The following IRAG1 variants were observed in gnomAD, a reference collection of about 807,000 sequenced individuals.
IRAG1 encodes IP3R-associated cGMP kinase substrate.
IRAG1 carries 62 observed loss-of-function variants against 106.2 expected under a neutral mutation model. That is an observed-to-expected ratio of 0.58 (90% CI 0.48 to 0.72). The LOEUF (loss-of-function observed/expected upper bound fraction) is 0.72, where lower values mean the gene tolerates loss of function less well. Among genes scored for constraint, IRAG1 ranks in the 30% least tolerant of loss-of-function variants. The pLI is 0.00. For synonymous variants in IRAG1, 462 were observed against 443.9 expected (o/e 1.04, Z -0.51); for missense variants, 1,064 against 1,140.7 (o/e 0.93, Z 0.97).
rs145646388 is a variant in IRAG1 at position 10,680,927 on chromosome 11, T to C, written c.67+12609A>G. On this transcript the variant is annotated intron_variant, in intron 1 of 20. Coordinates refer to ENST00000423302, the MANE Select transcript of IRAG1 (RefSeq NM_130385.4). ...CATAAAACTGTAAAACTCCAGATAA[T>C]TCATGAAAGATTACACAGATAGCAT... 1.7e-3 allele frequency among the ~76,000 whole-genome samples: 252 copies of C among 152,174 alleles called. 1 individual carries two copies. The highest frequency in any genetic ancestry group is 3.0e-3 in the Non-Finnish European group (204 of 67,998).
chr11:10,627,446 C>CT (rs1370446885), intron 8 of IRAG1, among the ~76,000 whole-genome samples: 1 of 152,162 alleles, frequency 6.6e-6, no homozygotes, highest in African/African-American at 2.4e-5. Flanking sequence ...GGAGGTCCCC[C>CT]TTGTCTCCAA....
intron 2 of IRAG1, among the ~76,000 whole-genome samples, chr11:10,637,103 C>T (rs1265640856): frequency 1.3e-5 from 2 of 152,214 alleles, no homozygotes; most frequent in Non-Finnish European, 2.9e-5. Context: ...AAGGGAAATA[C>T]AGAAATGTTG....
intron 9 of IRAG1, among the ~76,000 whole-genome samples, chr11:10,624,395 T>C (rs896795743): frequency 6.6e-6 from 1 of 151,918 alleles, no homozygotes; most frequent in African/African-American, 2.4e-5. Context: ...TTTTAAACTC[T>C]CCAGAAAAGT....
At chr11:10,576,703 C>CAACCCAA in intron 20 of IRAG1, 128 bp from the exon 21 acceptor site, 2 of 1,204,260 alleles carry the variant, frequency 1.7e-6, no homozygotes, top group Non-Finnish European at 2.4e-6. Context: ...TTAGCTGTGC[C>CAACCCAA]TAGATTGGGT....
At chr11:10,649,785 A>G (rs1447093019) in intron 2 of IRAG1, among the ~76,000 whole-genome samples, 1 of 152,110 alleles carries the variant, frequency 6.6e-6, no homozygotes, top group South Asian at 2.1e-4. Flanking sequence ...AGAGTAAGCG[A>G]TCCCTGATTG....
chr11:10,671,638 G>C (rs745689880), intron 1 of IRAG1, among the ~76,000 whole-genome samples: 6 of 152,166 alleles, frequency 3.9e-5, no homozygotes, highest in Non-Finnish European at 7.4e-5. Context: ...CTTGAACCCA[G>C]GAGGTGGAGG....
intron 1 of IRAG1, among the ~76,000 whole-genome samples, chr11:10,661,198 T>C (rs568721943): frequency 2.6e-5 from 4 of 152,198 alleles, no homozygotes; most frequent in African/African-American, 9.6e-5. Flanking sequence ...AAAGCCAACC[T>C]CCAAACATGC....
chr11:10,601,147 G>C, intron 14 of IRAG1, 88 bp from the exon 15 acceptor site: 2 of 1,538,132 alleles, frequency 1.3e-6, no homozygotes, highest in Non-Finnish European at 1.8e-6. Flanking sequence ...GTCTGGGCTA[G>C]GAGAATCAAA....
rs1347248817 is a variant in IRAG1 at position 10,576,039 on chromosome 11, C to T, written c.*293G>A. The T allele has an allele frequency of 5.1e-6, 2 of 389,692 alleles. No homozygotes were observed. Among genetic ancestry groups the T allele is most frequent in the Non-Finnish European group, 9.6e-6 (2 of 208,850 alleles). 24.1% of individuals were successfully genotyped at this position (389,692 alleles called of 1,614,324 possible). ...CACCAGTGAAGGTGTTTTAGTTCTC[C>T]CCAGCCACCTGAGCTAGGGGCAGGA... On this transcript the variant is annotated 3_prime_UTR_variant, in exon 21 of 21. Coordinates refer to ENST00000423302, the MANE Select transcript of IRAG1 (RefSeq NM_130385.4).
intron 17 of IRAG1, among the ~76,000 whole-genome samples, chr11:10,592,669 TATATC>T (rs1191372029): frequency 1.3e-5 from 2 of 152,214 alleles, no homozygotes; most frequent in African/African-American, 4.8e-5. Flanking sequence ...AATATTTTGT[TATATC>T]CAAACGTCTT....
chr11:10,692,715 G>T (rs568246537), intron 1 of IRAG1, among the ~76,000 whole-genome samples: 3 of 152,306 alleles, frequency 2.0e-5, no homozygotes, highest in Non-Finnish European at 4.4e-5. Context: ...TGCTGGCCAG[G>T]GGTCCCAGAC....
At chr11:10,642,960 A>C (rs1253506739) in intron 2 of IRAG1, among the ~76,000 whole-genome samples, 1 of 152,106 alleles carries the variant, frequency 6.6e-6, no homozygotes, top group Non-Finnish European at 1.5e-5. Context: ...TCACAAGGTC[A>C]GGAGATCGAG....
intron 19 of IRAG1, among the ~76,000 whole-genome samples, chr11:10,581,242 A>G (rs1851359724): frequency 6.6e-6 from 1 of 152,138 alleles, no homozygotes; most frequent in Non-Finnish European, 1.5e-5. Flanking sequence ...ACTGAAGCCC[A>G]TGGGTTCTGT....
chr11:10,636,175 T>C (rs1184036649), intron 2 of IRAG1, among the ~76,000 whole-genome samples: 1 of 152,194 alleles, frequency 6.6e-6, no homozygotes, highest in African/African-American at 2.4e-5. Context: ...ATTGATAAGG[T>C]ACCTATGCAT....
At chr11:10,651,984 C>G (rs1431707468) in intron 2 of IRAG1, 41 bp downstream of exon 2, 8 of 1,518,868 alleles carry the variant, frequency 5.3e-6, no homozygotes, top group Non-Finnish European at 7.1e-6. Context: ...CTTGGCTTGG[C>G]CCCCAGCCAG....
intron 1 of IRAG1, among the ~76,000 whole-genome samples, chr11:10,661,435 T>G (rs1859395267): frequency 6.6e-6 from 1 of 152,058 alleles, no homozygotes. Context: ...GGCTTAAAAC[T>G]GCACAAATTC....
At chr11:10,663,361 T>G (rs79031410) in intron 1 of IRAG1, among the ~76,000 whole-genome samples, 5,229 of 152,238 alleles carry the variant, frequency 0.034, 304 homozygotes, top group African/African-American at 0.12. Context: ...CAGGGTCTAT[T>G]AGGAACCTGT....
At chr11:10,608,922 T>C (rs901284970) in intron 11 of IRAG1, among the ~76,000 whole-genome samples, 10 of 152,222 alleles carry the variant, frequency 6.6e-5, no homozygotes, top group Non-Finnish European at 1.5e-4. Flanking sequence ...TTACTTATAT[T>C]TTTTCTTTGA....
chr11:10,591,554 A>G lies in IRAG1; in HGVS notation c.2234T>C (p.Leu745Ser). 6.3e-7 allele frequency: 1 copy of G among 1,594,116 alleles called. No homozygotes were observed. Among genetic ancestry groups the G allele is most frequent in the Non-Finnish European group, 8.5e-7 (1 of 1,170,216 alleles). ...GGAAAATCGACAAACTTACTTTTCCAAAAGTGCAGGCAGTGCTGAAGTGAC... is the reference window on the plus strand; with the variant it reads ...GGAAAATCGACAAACTTACTTTTCCGAAAGTGCAGGCAGTGCTGAAGTGAC... ...LPVTSALPAL[L>S]ENGKTNGDPD... is the part of the protein sequence containing the mutation. The change falls in exon 18 of 21, where the codon TTG becomes TCG. Residue 745 changes from leucine (L) to serine (S), a missense_variant. Coordinates refer to ENST00000423302, the MANE Select transcript of IRAG1 (RefSeq NM_130385.4).
Sources: gnomAD v4.1 joint callset for allele counts (sites outside exome capture counted in the v4.1 genomes callset) on GRCh38, gnomAD v4.1.1 for gene constraint, MANE v1.5 for transcripts, NCBI Gene and HGNC (gene_info 2026-07-23, HGNC 2026-07-21) for gene names.